Variants in MAX observed in about 807,000 individuals in gnomAD.
The protein encoded by MAX is protein max.
Under a neutral mutation model 22.3 loss-of-function variants are expected in MAX, and 3 were observed. That is an observed-to-expected ratio of 0.13 (90% CI 0.06 to 0.35). The LOEUF is 0.35. Ranked by LOEUF, MAX falls within the 10% of genes least tolerant of loss-of-function variation. MAX has a pLI of 1.00. For synonymous variants in MAX, 72 were observed against 77.7 expected (o/e 0.93, Z 0.39); for missense variants, 119 against 209.4 (o/e 0.57, Z 2.66).
chr14:65,096,816 C>T (rs1566626937), intron 2 of MAX, among the ~76,000 whole-genome samples: 2 of 152,112 alleles, frequency 1.3e-5, no homozygotes. Flanking sequence ...ACGGAAAACC[C>T]CCTTGTGGAA....
chr14:65,084,083 T>G lies in MAX; in HGVS notation c.172-6047A>C. On this transcript the variant is annotated intron_variant, in intron 3 of 4. Transcript: ENST00000358664. The surrounding 1 kb of genome is among the most constrained non-coding windows in gnomAD (Gnocchi z 4.3). ...GGCCTCCCCAGCCACAGGACCATTTTGCTGATTACCAGGGTAAGGCAGAGC... is the reference window on the plus strand; with the variant it reads ...GGCCTCCCCAGCCACAGGACCATTTGGCTGATTACCAGGGTAAGGCAGAGC... 2.5e-6 allele frequency: 4 copies of G among 1,598,540 alleles called. No individual in the cohort carries two copies. Among genetic ancestry groups the G allele is most frequent in the Non-Finnish European group, 3.4e-6 (4 of 1,170,016 alleles).
chr14:65,098,848 A>C (rs2063743931), intron 2 of MAX, among the ~76,000 whole-genome samples: 1 of 152,152 alleles, frequency 6.6e-6, no homozygotes, highest in South Asian at 2.1e-4. Context: ...AGTTAGCCTA[A>C]CTTCCTAACT....
intron 1 of MAX, 40 bp from the exon 2 acceptor site, chr14:65,101,612 G>A (rs2139965663): frequency 6.9e-7 from 1 of 1,452,556 alleles, no homozygotes; most frequent in Non-Finnish European, 9.5e-7. Flanking sequence ...AAATATAGAA[G>A]TTATTTTTAC....
chr14:65,018,095 A>G (rs2061814194), intron 3 of MAX, among the ~76,000 whole-genome samples: 1 of 152,232 alleles, frequency 6.6e-6, no homozygotes, highest in South Asian at 2.1e-4. Context: ...TAACCCCAGC[A>G]CTTTGGGAGG....
Position 65,010,962 on chromosome 14 carries a change from G to A in MAX, c.172-4678C>T, listed in dbSNP as rs191408640. 7.7e-4 allele frequency among the ~76,000 whole-genome samples: 117 copies of A among 152,224 alleles called. 1 individual carries two copies. The highest frequency in any genetic ancestry group is 6.5e-4 in the Non-Finnish European group (44 of 68,022). ...TCTCCTTCTGCCAGGGCCACTCATC[G>A]CACATTCCTCCTTTTTCACACAAAC... On this transcript the variant is annotated intron_variant, in intron 3 of 3. Coordinates refer to the MAX transcript ENST00000341653.
Position 65,027,840 on chromosome 14 carries a change from A to G in MAX, c.172-21556T>C. On this transcript the variant is annotated intron_variant, in intron 3 of 3. Coordinates refer to the MAX transcript ENST00000341653. The surrounding 1 kb of genome is among the most constrained non-coding windows in gnomAD (Gnocchi z 5.7). ...TTGACTCTAGAGCTCATCTGCCATT[A>G]GAGATGCCAAGCCTAAGGAACATCA... The G allele has an allele frequency of 6.2e-7, 1 of 1,606,040 alleles. No homozygotes were observed. The highest frequency in any genetic ancestry group is 8.5e-7 in the Non-Finnish European group (1 of 1,174,798).
chr14:65,045,919 C>T (rs771857528), intron 3 of MAX, among the ~76,000 whole-genome samples: 1 of 152,184 alleles, frequency 6.6e-6, no homozygotes, highest in Non-Finnish European at 1.5e-5. Context: ...GACTTTGGAG[C>T]CTGCACAGTC....
At position 65,037,407 on chromosome 14, in the gene MAX, T is replaced by C. The variant is rs1444049799; in HGVS notation, c.172-31123A>G. Among the ~76,000 whole-genome samples the C allele has an allele frequency of 1.2e-4, 3 of 25,980 alleles. 1 individual carries two copies. Among genetic ancestry groups the C allele is most frequent in the Admixed American group, 9.3e-4 (2 of 2,162 alleles). The allele number at this position is 25,980 out of a possible 152,430, so 17.0% of individuals were successfully genotyped here. A position where few individuals can be genotyped will look rare whatever the true frequency, so the allele number is the denominator to read the frequency against. ...CGTGAGCCACCACGCCGGGCCCTTT[T>C]TTTTTTTTTTTTTTTTTTTTTTTTT... On this transcript the variant is annotated intron_variant, in intron 3 of 3. Transcript: ENST00000341653.
intron 3 of MAX, among the ~76,000 whole-genome samples, chr14:65,058,191 A>G: frequency 6.7e-6 from 1 of 148,308 alleles, no homozygotes; most frequent in East Asian, 2.0e-4. Flanking sequence ...ATTTATGAAC[A>G]TAATTTTTCT....
rs576201827 is a variant in MAX, at chr14:65,030,793, C to G, written c.172-24509G>C. Among the ~76,000 whole-genome samples the G allele has an allele frequency of 6.3e-4, 96 of 151,656 alleles. No homozygotes were observed. Among genetic ancestry groups the G allele is most frequent in the Non-Finnish European group, 1.9e-4 (13 of 67,854 alleles). The stretch of plus-strand genomic sequence containing the variant: ...CCCTTCTTTTATGTTTCTTAGGAGC[C>G]CTTAGGAATATACTTTTTGTTTGTT... On this transcript the variant is annotated intron_variant, in intron 3 of 3. Transcript: ENST00000341653. This position sits in a 1 kb window ranked among gnomAD's most constrained non-coding sequence, Gnocchi z 4.5.
At chr14:65,065,639 A>G (rs1385250739) in intron 3 of MAX, among the ~76,000 whole-genome samples, 1 of 152,204 alleles carries the variant, frequency 6.6e-6, no homozygotes, top group Non-Finnish European at 1.5e-5. Flanking sequence ...ATACAGTATT[A>G]TGATCTCACG....
intron 3 of MAX, among the ~76,000 whole-genome samples, chr14:65,053,692 G>A (rs950183735): frequency 6.6e-6 from 1 of 151,368 alleles, no homozygotes; most frequent in East Asian, 1.9e-4. Context: ...CCTCAGTGTT[G>A]TAAACAGAGA....
At chr14:65,080,270 G>A (rs1031787364) in intron 3 of MAX, among the ~76,000 whole-genome samples, 5 of 152,198 alleles carry the variant, frequency 3.3e-5, no homozygotes, top group African/African-American at 1.2e-4. Context: ...AGTGAGATGC[G>A]TTTCTTTAGT....
intron 3 of MAX, among the ~76,000 whole-genome samples, chr14:65,057,522 G>A (rs773927341): frequency 6.6e-6 from 1 of 152,166 alleles, no homozygotes; most frequent in Non-Finnish European, 1.5e-5. Flanking sequence ...GGGAGGGTAG[G>A]TGAGGATTAA....
chr14:65,019,508 A>AT (rs71123900), intron 3 of MAX, among the ~76,000 whole-genome samples: 85,066 of 151,842 alleles, frequency 0.56, 24,393 homozygotes, highest in African/African-American at 0.68. Context: ...CAAACAAAAC[A>AT]TTTTTTTTAA....
intron 3 of MAX, among the ~76,000 whole-genome samples, chr14:65,068,161 G>C (rs1208840661): frequency 6.6e-6 from 1 of 152,162 alleles, no homozygotes; most frequent in Non-Finnish European, 1.5e-5. Context: ...AAGAAGTGGG[G>C]AGGTGGCTCA....
rs559687832 is a variant in MAX, at chr14:65,009,956, C to G, written c.172-3672G>C. ...CAGCCTCTACCCCAGTGCTGGACAA[C>G]ACTCTGCCCACACAGATGGGTGCTC... On this transcript the variant is annotated intron_variant, in intron 3 of 3. Transcript: ENST00000341653. The surrounding 1 kb of genome is among the most constrained non-coding windows in gnomAD (Gnocchi z 4.2). Among the ~76,000 whole-genome samples, 1 of 152,156 alleles carries G rather than the reference C, an allele frequency of 6.6e-6. No homozygotes were observed. Among genetic ancestry groups the G allele is most frequent in the Non-Finnish European group, 1.5e-5 (1 of 68,034 alleles).
rs2062056634 is a variant in MAX at position 65,030,352 on chromosome 14, T to C, written c.172-24068A>G. On this transcript the variant is annotated intron_variant, in intron 3 of 3. Coordinates refer to the MAX transcript ENST00000341653. The surrounding 1 kb of genome is among the most constrained non-coding windows in gnomAD (Gnocchi z 4.5). The stretch of plus-strand genomic sequence containing the variant: ...CCACTGTGCCTTTGGCTGCTAAAAA[T>C]GCTGGTAGGATCATAATGCATGCAG... 6.6e-6 allele frequency among the ~76,000 whole-genome samples: 1 copy of C among 152,226 alleles called. No homozygotes were observed. Among genetic ancestry groups the C allele is most frequent in the African/African-American group, 2.4e-5 (1 of 41,458 alleles).
rs192164198 is a variant in MAX at position 65,032,307 on chromosome 14, C to T, written c.172-26023G>A. On this transcript the variant is annotated intron_variant, in intron 3 of 3. Coordinates refer to the MAX transcript ENST00000341653. This position sits in a 1 kb window ranked among gnomAD's most constrained non-coding sequence, Gnocchi z 5.0. ...CCATTATAGGTCTTTGAAAGAAGAG[C>T]TGAATCCACTTTTGACATGAATTGA... 9.9e-5 allele frequency: 25 copies of T among 252,596 alleles called. No homozygotes were observed. The East Asian group carries it at 1.8e-3, about 18-fold the overall frequency. 15.6% of individuals were successfully genotyped at this position (252,596 alleles called of 1,614,324 possible). A position where few individuals can be genotyped will look rare whatever the true frequency, so the allele number is the denominator to read the frequency against.
Sources: gnomAD v4.1 joint callset for allele counts (sites outside exome capture counted in the v4.1 genomes callset) on GRCh38, gnomAD v4.1.1 for gene constraint, Gnocchi (gnomAD v3.1) non-coding constraint, MANE v1.5 for transcripts, NCBI Gene and HGNC (gene_info 2026-07-23, HGNC 2026-07-21) for gene names.